GALNT18: variants seen among roughly 807,000 people sequenced by gnomAD.
The protein encoded by GALNT18 is GalNAc-transferase 18.
In GALNT18, 44 loss-of-function variants were observed where a neutral mutation model predicts 69.5. The ratio of observed to expected loss-of-function variants is 0.63; its 90% CI spans 0.50 to 0.81. The LOEUF (loss-of-function observed/expected upper bound fraction) is 0.81. Ranked by LOEUF, GALNT18 falls within the 40% of genes least tolerant of loss-of-function variation. The pLI is 0.00. For synonymous variants in GALNT18, 364 were observed against 318.2 expected (o/e 1.14, Z -1.53); for missense variants, 715 against 810.0 (o/e 0.88, Z 1.42).
chr11:11,276,328 T>G (rs1343255931), intron 10 of GALNT18, among the ~76,000 whole-genome samples: 1 of 151,466 alleles, frequency 6.6e-6, no homozygotes, highest in African/African-American at 2.4e-5. Context: ...ATTTGGCTGT[T>G]TGTCTTTTAT....
Position 11,338,666 on chromosome 11 carries a change from G to A in GALNT18, c.1278+2153C>T, listed in dbSNP as rs1589918623. Among the ~76,000 whole-genome samples, 1 of 152,226 alleles carries A rather than the reference G, an allele frequency of 6.6e-6. No individual in the cohort carries two copies. The highest frequency in any genetic ancestry group is 1.9e-4 in the East Asian group (1 of 5,192). On this transcript the variant is annotated intron_variant, in intron 7 of 10. Coordinates refer to ENST00000227756, the MANE Select transcript of GALNT18 (RefSeq NM_198516.3). This position sits in a 1 kb window ranked among gnomAD's most constrained non-coding sequence, Gnocchi z 5.3. Reference sequence around the variant, plus strand: ...AAGAGGAGATGTCCAGCTGGCAGTTGGAGATGTGAGTCTGAAAGTGAAGGC... The same window carrying A: ...AAGAGGAGATGTCCAGCTGGCAGTTAGAGATGTGAGTCTGAAAGTGAAGGC...
chr11:11,340,389 A>G lies in GALNT18; in HGVS notation c.1278+430T>C, dbSNP rs760673495. 8.1e-5 allele frequency among the ~76,000 whole-genome samples: 12 copies of G among 148,756 alleles called. No homozygotes were observed. Among genetic ancestry groups the G allele is most frequent in the Non-Finnish European group, 1.6e-4 (11 of 67,236 alleles). On this transcript the variant is annotated intron_variant, in intron 7 of 10. Coordinates refer to ENST00000227756, the MANE Select transcript of GALNT18 (RefSeq NM_198516.3). The surrounding 1 kb of genome is among the most constrained non-coding windows in gnomAD (Gnocchi z 4.2). ...TGTGGATCTTTATAACTCTGGTCAA[A>G]GGTTCAATGGAGAAGTTTGAACCTA...
intron 9 of GALNT18, among the ~76,000 whole-genome samples, chr11:11,298,075 G>A (rs1393495980): frequency 6.6e-6 from 1 of 152,212 alleles, no homozygotes; most frequent in African/African-American, 2.4e-5. Flanking sequence ...TCGAGGCTGG[G>A]TAACGTCCCC....
chr11:11,325,801 G>C (rs953001200), intron 9 of GALNT18, among the ~76,000 whole-genome samples: 7 of 152,108 alleles, frequency 4.6e-5, no homozygotes, highest in Admixed American at 4.6e-4. Context: ...GGTTGTGTGA[G>C]CACAACCTGA....
chr11:11,487,314 T>A (rs540390333), intron 1 of GALNT18, among the ~76,000 whole-genome samples: 2 of 152,262 alleles, frequency 1.3e-5, no homozygotes, highest in East Asian at 3.9e-4. Flanking sequence ...GTTCAGTATA[T>A]CCTGCTTGGG....
intron 1 of GALNT18, among the ~76,000 whole-genome samples, chr11:11,455,063 C>T (rs962222302): frequency 2.0e-5 from 3 of 152,204 alleles, no homozygotes; most frequent in Non-Finnish European, 2.9e-5. Flanking sequence ...TGCAGCTTGG[C>T]CAGCCCTATT....
intron 1 of GALNT18, among the ~76,000 whole-genome samples, chr11:11,481,756 T>C (rs1053598060): frequency 6.6e-6 from 1 of 152,074 alleles, no homozygotes; most frequent in Non-Finnish European, 1.5e-5. Context: ...AAAGCACAGA[T>C]AGCACGACAG....
intron 2 of GALNT18, among the ~76,000 whole-genome samples, chr11:11,442,823 C>T (rs1412526521): frequency 6.6e-6 from 1 of 152,198 alleles, no homozygotes; most frequent in Non-Finnish European, 1.5e-5. Context: ...AAGAGCCAGT[C>T]CATCCTAACC....
chr11:11,363,937 T>G (rs949146649), intron 6 of GALNT18, among the ~76,000 whole-genome samples: 2 of 150,756 alleles, frequency 1.3e-5, no homozygotes, highest in Middle Eastern at 3.2e-3. Flanking sequence ...AGGCTCCCAA[T>G]GGACAAAGGT....
In GALNT18 at chr11:11,435,531, C is replaced by G. The variant is rs1470209932; in HGVS notation, c.429-2744G>C. On this transcript the variant is annotated intron_variant, in intron 2 of 10. Transcript: ENST00000227756. The surrounding 1 kb of genome is among the most constrained non-coding windows in gnomAD (Gnocchi z 4.4). Reference sequence around the variant, plus strand: ...AACACATTCTCTAGGGCATCACATTCGAACCTGTTTATTGTCTGCCCCTCT... The same window carrying G: ...AACACATTCTCTAGGGCATCACATTGGAACCTGTTTATTGTCTGCCCCTCT... 6.6e-6 allele frequency among the ~76,000 whole-genome samples: 1 copy of G among 152,170 alleles called. No homozygotes were observed. Among genetic ancestry groups the G allele is most frequent in the African/African-American group, 2.4e-5 (1 of 41,442 alleles).
chr11:11,425,755 TC>T (rs1470526299), intron 3 of GALNT18, among the ~76,000 whole-genome samples: 2 of 152,142 alleles, frequency 1.3e-5, no homozygotes, highest in African/African-American at 4.8e-5. Context: ...AATACCTGTG[TC>T]ACATGAACAA....
chr11:11,277,816 G>T (rs935167623), intron 10 of GALNT18, among the ~76,000 whole-genome samples: 1 of 152,092 alleles, frequency 6.6e-6, no homozygotes, highest in African/African-American at 2.4e-5. Context: ...CAGTTTTGAG[G>T]GAGTTTCTTA....
chr11:11,344,953 A>T (rs11827736), intron 6 of GALNT18, among the ~76,000 whole-genome samples: 41,135 of 152,036 alleles, frequency 0.27, 6,509 homozygotes, highest in East Asian at 0.6. Context: ...AGGATACTGG[A>T]AGCCCTCAGT....
At chr11:11,371,962 G>T (rs1261643844) in intron 6 of GALNT18, among the ~76,000 whole-genome samples, 3 of 152,228 alleles carry the variant, frequency 2.0e-5, no homozygotes, top group African/African-American at 7.2e-5. Flanking sequence ...AGAATGGCGT[G>T]AGGCAGGAAT....
At chr11:11,292,920 C>G (rs998160747) in intron 10 of GALNT18, 109 bp downstream of exon 10, 12 of 1,023,800 alleles carry the variant, frequency 1.2e-5, no homozygotes, top group Non-Finnish European at 1.4e-5. Context: ...TACTGCCAGT[C>G]TGTCTCTCCT....
intron 9 of GALNT18, among the ~76,000 whole-genome samples, chr11:11,300,148 T>C (rs928647628): frequency 3.9e-5 from 6 of 152,248 alleles, no homozygotes; most frequent in East Asian, 1.9e-4. Flanking sequence ...TTCCAAATGA[T>C]GGGCATGTAA....
intron 1 of GALNT18, among the ~76,000 whole-genome samples, chr11:11,588,120 C>T (rs530315906): frequency 6.6e-6 from 1 of 152,216 alleles, no homozygotes; most frequent in Admixed American, 6.5e-5. Context: ...ACCTACACAC[C>T]CATCTGCTCA....
At chr11:11,561,375 G>A (rs546827586) in intron 1 of GALNT18, among the ~76,000 whole-genome samples, 14 of 151,936 alleles carry the variant, frequency 9.2e-5, no homozygotes, top group African/African-American at 2.9e-4. Flanking sequence ...GGAAAGGAAG[G>A]GATGTGAAAT....
At chr11:11,297,968 C>T (rs1405103093) in intron 9 of GALNT18, among the ~76,000 whole-genome samples, 1 of 152,246 alleles carries the variant, frequency 6.6e-6, no homozygotes, top group Non-Finnish European at 1.5e-5. Context: ...TTTTCCTCTC[C>T]TCCAGGCCAG....
Sources: gnomAD v4.1 joint callset for allele counts (sites outside exome capture counted in the v4.1 genomes callset) on GRCh38, gnomAD v4.1.1 for gene constraint, Gnocchi (gnomAD v3.1) non-coding constraint, MANE v1.5 for transcripts, NCBI Gene and HGNC (gene_info 2026-07-23, HGNC 2026-07-21) for gene names.